Variants in NALF1 observed in about 807,000 individuals in gnomAD.
The protein encoded by NALF1 is NALCN channel auxiliary factor 1.
Under a neutral mutation model 48.4 loss-of-function variants are expected in NALF1, and 3 were observed. The ratio of observed to expected loss-of-function variants is 0.06; its 90% CI spans 0.03 to 0.16. NALF1 has a LOEUF of 0.16. Among genes scored for constraint, NALF1 ranks in the 10% least tolerant of loss-of-function variants. NALF1 has a pLI of 1.00. For synonymous variants in NALF1, 262 were observed against 245.7 expected, an observed-to-expected ratio of 1.07 and a Z score of -0.62; for missense variants, 526 against 571.5, an observed-to-expected ratio of 0.92 and a Z score of 0.81.
chr13:107,756,564 C>T (rs1393627339), intron 1 of NALF1, among the ~76,000 whole-genome samples: 1 of 152,008 alleles, frequency 6.6e-6, no homozygotes, highest in African/African-American at 2.4e-5. Flanking sequence ...ACACAGCTTT[C>T]GTATTGTTAC....
At chr13:107,764,433 G>A (rs1877366356) in intron 1 of NALF1, among the ~76,000 whole-genome samples, 1 of 151,766 alleles carries the variant, frequency 6.6e-6, no homozygotes, top group Non-Finnish European at 1.5e-5. Context: ...TTATACATCT[G>A]TGTGTGTGTG....
intron 1 of NALF1, among the ~76,000 whole-genome samples, chr13:107,812,325 T>C (rs1279654206): frequency 2.0e-5 from 3 of 152,114 alleles, no homozygotes; most frequent in East Asian, 1.9e-4. Flanking sequence ...TTTATTATAA[T>C]AGTATTTGTT....
intron 1 of NALF1, among the ~76,000 whole-genome samples, chr13:107,279,878 G>A (rs1030779504): frequency 8.6e-5 from 13 of 152,016 alleles, no homozygotes; most frequent in African/African-American, 2.7e-4. Context: ...TCTTCCCAAC[G>A]TCTTCAGTTA....
intron 1 of NALF1, among the ~76,000 whole-genome samples, chr13:107,348,176 G>T (rs1210364946): frequency 6.6e-6 from 1 of 152,104 alleles, no homozygotes; most frequent in East Asian, 1.9e-4. Flanking sequence ...AATTACAAAA[G>T]AGCTTCTGGT....
intron 1 of NALF1, among the ~76,000 whole-genome samples, chr13:107,615,588 G>C (rs1368919922): frequency 6.6e-6 from 1 of 152,148 alleles, no homozygotes; most frequent in Non-Finnish European, 1.5e-5. Flanking sequence ...GGAGTGTGTG[G>C]ATCCCATAGG....
chr13:107,256,952 C>T (rs1188893248), intron 1 of NALF1, among the ~76,000 whole-genome samples: 1 of 152,190 alleles, frequency 6.6e-6, no homozygotes, highest in Non-Finnish European at 1.5e-5. Flanking sequence ...TTATAAAGAA[C>T]TTCCCTGAGA....
chr13:107,840,733 A>G (rs1880023637), intron 1 of NALF1, among the ~76,000 whole-genome samples: 1 of 152,122 alleles, frequency 6.6e-6, no homozygotes, highest in South Asian at 2.1e-4. Flanking sequence ...AACTGGACCA[A>G]AACCAACTTG....
rs139031028 is a variant in NALF1, at chr13:107,627,383, C to T, written c.915+238299G>A. ...ATTTCTTGAGGCTTTGTTCTCCTTA[C>T]GATTATTATTAGAAAAGCCTATAAT... On this transcript the variant is annotated intron_variant, in intron 1 of 2. Coordinates refer to ENST00000375915, the MANE Select transcript of NALF1 (RefSeq NM_001080396.3). Among the ~76,000 whole-genome samples the T allele has an allele frequency of 1.2e-3, 176 of 152,070 alleles. 1 individual carries two copies. Among genetic ancestry groups the T allele is most frequent in the African/African-American group, 4.0e-3 (164 of 41,500 alleles).
intron 1 of NALF1, among the ~76,000 whole-genome samples, chr13:107,861,674 C>A (rs763062345): frequency 6.6e-6 from 1 of 152,116 alleles, no homozygotes; most frequent in African/African-American, 2.4e-5. Flanking sequence ...GTCCCAGCTA[C>A]GAGGGAGGCT....
At chr13:107,472,664 T>C (rs2139053876) in intron 1 of NALF1, among the ~76,000 whole-genome samples, 1 of 152,262 alleles carries the variant, frequency 6.6e-6, no homozygotes, top group East Asian at 1.9e-4. Flanking sequence ...GCCTCCAAGT[T>C]ATTCAGCTAT....
intron 2 of NALF1, among the ~76,000 whole-genome samples, chr13:107,196,183 A>G (rs1879387946): frequency 6.6e-6 from 1 of 152,192 alleles, no homozygotes. Context: ...AGGATCAGGA[A>G]AAATAACTAA....
chr13:107,723,929 C>A (rs1417737762), intron 1 of NALF1, among the ~76,000 whole-genome samples: 2 of 151,996 alleles, frequency 1.3e-5, no homozygotes, highest in Non-Finnish European at 2.9e-5. Flanking sequence ...TAACAATATT[C>A]TTTAATTTTT....
chr13:107,713,101 C>T (rs16970970), intron 1 of NALF1, among the ~76,000 whole-genome samples: 1 of 152,210 alleles, frequency 6.6e-6, no homozygotes, highest in Non-Finnish European at 1.5e-5. Context: ...GTCAGAACCA[C>T]GTCCACACAT....
chr13:107,433,114 T>C (rs1884409796), intron 1 of NALF1, among the ~76,000 whole-genome samples: 2 of 152,212 alleles, frequency 1.3e-5, no homozygotes, highest in Non-Finnish European at 2.9e-5. Flanking sequence ...TTGTCACAAC[T>C]AGACTACCTT....
intron 1 of NALF1, among the ~76,000 whole-genome samples, chr13:107,755,810 T>C (rs776763756): frequency 6.6e-5 from 10 of 152,152 alleles, no homozygotes; most frequent in Non-Finnish European, 1.3e-4. Flanking sequence ...ACAGAAAATC[T>C]TGAACACCAG....
rs924526564 is a variant in NALF1 at position 107,495,238 on chromosome 13, C to G, written c.916-284483G>C. On this transcript the variant is annotated intron_variant, in intron 1 of 2. Transcript: ENST00000375915. ...TCATCAGATACTACAAACAATTGTG[C>G]TTTTTGTGGTACATAAAGAGATGCG... Among the ~76,000 whole-genome samples, 4 of 152,096 alleles carry G rather than the reference C, an allele frequency of 2.6e-5. No homozygotes were observed. In the East Asian group the frequency reaches 7.7e-4, roughly 29 times the overall value.
chr13:107,425,813 A>C (rs1392781690), intron 1 of NALF1, among the ~76,000 whole-genome samples: 1 of 152,096 alleles, frequency 6.6e-6, no homozygotes, highest in Non-Finnish European at 1.5e-5. Context: ...ATGATATTGG[A>C]TATCTATGTA....
chr13:107,246,214 G>A (rs1880581088), intron 1 of NALF1, among the ~76,000 whole-genome samples: 1 of 152,082 alleles, frequency 6.6e-6, no homozygotes, highest in South Asian at 2.1e-4. Context: ...TCCTTACAAC[G>A]ATAACAACAA....
At chr13:107,546,555 C>T (rs1041379962) in intron 1 of NALF1, among the ~76,000 whole-genome samples, 6 of 152,082 alleles carry the variant, frequency 3.9e-5, no homozygotes, top group African/African-American at 1.4e-4. Flanking sequence ...CAAAAGAGCT[C>T]GAGCTAAAAC....
Sources: allele counts gnomAD v4.1 joint callset (sites outside exome capture counted in the v4.1 genomes callset), GRCh38; gene constraint gnomAD v4.1.1; transcripts MANE v1.5; gene names NCBI Gene and HGNC (gene_info 2026-07-23, HGNC 2026-07-21).